The following ADGRL2 variants were observed in gnomAD, a reference collection of about 807,000 sequenced individuals.
ADGRL2 encodes the protein calcium-independent alpha-latrotoxin receptor 2.
ADGRL2 carries 44 observed loss-of-function variants against 157.4 expected under a neutral mutation model. That is an observed-to-expected ratio of 0.28 (90% CI 0.22 to 0.36). ADGRL2 has a LOEUF of 0.36. ADGRL2 is among the 10% of genes least tolerant of loss of function. The pLI is 1.00. For missense variants in ADGRL2, 1,510 were observed against 1,768.9 expected, an observed-to-expected ratio of 0.85 and a Z score of 2.63; for synonymous variants, 585 against 624.7, an observed-to-expected ratio of 0.94 and a Z score of 0.95.
At chr1:81,884,422 C>A (rs964887366) in intron 2 of ADGRL2, among the ~76,000 whole-genome samples, 2 of 152,108 alleles carry the variant, frequency 1.3e-5, no homozygotes, top group African/African-American at 4.8e-5. Context: ...TTAAACTAAA[C>A]GTCTACCAGA....
intron 1 of ADGRL2, among the ~76,000 whole-genome samples, chr1:81,754,585 CTTTCT>C (rs1228391839): frequency 3.0e-5 from 4 of 135,362 alleles, no homozygotes; most frequent in Admixed American, 1.6e-4. Context: ...CTTTCTCTTT[CTTTCT>C]TTTCTTTTCT....
chr1:81,552,570 A>T (rs1570473493), intron 2 of ADGRL2, among the ~76,000 whole-genome samples: 1 of 149,832 alleles, frequency 6.7e-6, no homozygotes, highest in South Asian at 2.1e-4. Context: ...TACTAGATGA[A>T]TGCTAACCAC....
intron 2 of ADGRL2, among the ~76,000 whole-genome samples, chr1:81,547,238 T>C (rs188285524): frequency 5.3e-5 from 8 of 152,268 alleles, no homozygotes; most frequent in Non-Finnish European, 1.0e-4. Flanking sequence ...GATCTTTCTA[T>C]ACAAAACCAC....
At chr1:81,814,931 A>T (rs12138562) in intron 1 of ADGRL2, among the ~76,000 whole-genome samples, 1 of 151,650 alleles carries the variant, frequency 6.6e-6, no homozygotes, top group Non-Finnish European at 1.5e-5. Context: ...ATTTAAACAC[A>T]GTAGCATTAC....
chr1:81,433,973 C>A (rs1298366785), intron 1 of ADGRL2, among the ~76,000 whole-genome samples: 1 of 152,212 alleles, frequency 6.6e-6, no homozygotes, highest in Non-Finnish European at 1.5e-5. Flanking sequence ...AGCTTTCCCA[C>A]AGCATGGAAG....
chr1:81,821,283 C>G (rs113645756), intron 1 of ADGRL2, among the ~76,000 whole-genome samples: 3 of 152,116 alleles, frequency 2.0e-5, no homozygotes, highest in African/African-American at 7.2e-5. Context: ...AGTTACTTAG[C>G]AACCTAAGTG....
chr1:81,917,945 A>G (rs1053889018), intron 3 of ADGRL2, among the ~76,000 whole-genome samples: 5 of 152,236 alleles, frequency 3.3e-5, no homozygotes, highest in Admixed American at 6.5e-5. Context: ...GGGGTCAAAT[A>G]CATACAGTAA....
chr1:81,585,724 G>A (rs977436410), intron 3 of ADGRL2, among the ~76,000 whole-genome samples: 17 of 152,068 alleles, frequency 1.1e-4, no homozygotes, highest in African/African-American at 3.9e-4. Context: ...ATTTTGGGTT[G>A]AGGATGAAAA....
chr1:81,645,591 T>C (rs982309806), intron 3 of ADGRL2, among the ~76,000 whole-genome samples: 29 of 151,752 alleles, frequency 1.9e-4, no homozygotes, highest in African/African-American at 7.0e-4. Flanking sequence ...CATATATAAG[T>C]ATATATATAT....
intron 2 of ADGRL2, among the ~76,000 whole-genome samples, chr1:81,544,382 T>C (rs2079962848): frequency 6.6e-6 from 1 of 152,198 alleles, no homozygotes; most frequent in African/African-American, 2.4e-5. Context: ...GAAATGTTTC[T>C]TTTTTCCCTG....
chr1:81,973,018 CT>C (rs949376194), intron 17 of ADGRL2, among the ~76,000 whole-genome samples: 1 of 151,100 alleles, frequency 6.6e-6, no homozygotes, highest in East Asian at 1.9e-4. Context: ...GTTTTTCTTA[CT>C]TTTTTTTCAA....
At chr1:81,366,940 A>G (rs78230355) in intron 1 of ADGRL2, among the ~76,000 whole-genome samples, 193 of 152,252 alleles carry the variant, frequency 1.3e-3, no homozygotes, top group Non-Finnish European at 2.0e-3. Flanking sequence ...TTTTTATGCT[A>G]CATACTTTCC....
At chr1:81,786,303 T>C (rs2087042157) in intron 2 of ADGRL2, among the ~76,000 whole-genome samples, 2 of 152,180 alleles carry the variant, frequency 1.3e-5, no homozygotes, top group Non-Finnish European at 2.9e-5. Context: ...TTTAGCCAGG[T>C]ACAATGGCTC....
rs899763359 is a variant in ADGRL2 at position 81,991,203 on chromosome 1, T to C, written c.*58T>C. ...CGAGTATTAATAAATAAAGACACCA[T>C]TGGCCTGACGCAGCTCCCTCAAACT... is the stretch of plus-strand genomic sequence containing the variant. On this transcript the variant is annotated 3_prime_UTR_variant, in exon 24 of 24. Transcript: ENST00000686636. 2 of 1,482,032 alleles carry C rather than the reference T, an allele frequency of 1.3e-6. No individual in the cohort carries two copies. The highest frequency in any genetic ancestry group is 1.4e-5 in the African/African-American group (1 of 71,518). The allele number at this position is 1,482,032 out of a possible 1,614,324, so 91.8% of individuals were successfully genotyped here.
chr1:81,597,306 C>T (rs1169064456), intron 3 of ADGRL2, among the ~76,000 whole-genome samples: 1 of 152,048 alleles, frequency 6.6e-6, no homozygotes, highest in Admixed American at 6.6e-5. Context: ...GATATTTTCT[C>T]TTTTTAGCTT....
chr1:81,990,170 C>A, intron 23 of ADGRL2: 1 of 985,290 alleles, frequency 1.0e-6, no homozygotes, highest in Non-Finnish European at 1.2e-6. Context: ...ATGCCATTTT[C>A]TCTCCCTGGA....
intron 3 of ADGRL2, among the ~76,000 whole-genome samples, chr1:81,929,145 G>C (rs2095173618): frequency 6.6e-6 from 1 of 152,106 alleles, no homozygotes; most frequent in Non-Finnish European, 1.5e-5. Context: ...CAAGGCGGTA[G>C]ATTTTGCATT....
intron 2 of ADGRL2, among the ~76,000 whole-genome samples, chr1:81,562,164 G>A (rs570079048): frequency 6.6e-6 from 1 of 152,172 alleles, no homozygotes; most frequent in Non-Finnish European, 1.5e-5. Context: ...TAGAAGATAG[G>A]GATTATATGA....
chr1:81,545,273 G>A (rs2079985963), intron 2 of ADGRL2, among the ~76,000 whole-genome samples: 1 of 150,226 alleles, frequency 6.7e-6, no homozygotes, highest in African/African-American at 2.4e-5. Flanking sequence ...AATAAAAACA[G>A]TAAGACTGAC....
Sources: allele counts gnomAD v4.1 joint callset (sites outside exome capture counted in the v4.1 genomes callset), GRCh38; gene constraint gnomAD v4.1.1; transcripts MANE v1.5; gene names NCBI Gene and HGNC (gene_info 2026-07-23, HGNC 2026-07-21).